NEGR1: variants seen among roughly 807,000 people sequenced by gnomAD.
The protein encoded by NEGR1 is IgLON family member 4.
A neutral mutation model predicts 40.9 loss-of-function variants in NEGR1; 10 were observed. The ratio of observed to expected loss-of-function variants is 0.24; its 90% CI spans 0.15 to 0.42. The LOEUF (loss-of-function observed/expected upper bound fraction) is 0.42, where lower values mean the gene tolerates loss of function less well. NEGR1 is among the 10% of genes least tolerant of loss of function. The pLI is 1.00. For missense variants in NEGR1, 352 were observed against 438.9 expected, an observed-to-expected ratio of 0.80 and a Z score of 1.77; for synonymous variants, 185 against 166.8, an observed-to-expected ratio of 1.11 and a Z score of -0.84.
chr1:72,138,158 T>G (rs1040650940), intron 1 of NEGR1, among the ~76,000 whole-genome samples: 5 of 152,094 alleles, frequency 3.3e-5, no homozygotes, highest in African/African-American at 1.2e-4. Flanking sequence ...ATGGAGTATA[T>G]GTAAGATTTT....
In NEGR1 at chr1:71,897,785, C is replaced by T. The variant is rs185442568; in HGVS notation, c.409+37294G>A. Among the ~76,000 whole-genome samples, 90 of 152,132 alleles carry T rather than the reference C, an allele frequency of 5.9e-4. 1 individual carries two copies. Among genetic ancestry groups the T allele is most frequent in the East Asian group, 5.8e-3 (30 of 5,186 alleles). On this transcript the variant is annotated intron_variant, in intron 2 of 6. Coordinates refer to ENST00000357731, the MANE Select transcript of NEGR1 (RefSeq NM_173808.3). The stretch of plus-strand genomic sequence containing the variant: ...GTTTTTATCCAAAGTTTGGTCAACA[C>T]TTATGGTACAAGATCTCTAAAAATT...
At chr1:71,951,542 C>T (rs1007807172) in intron 1 of NEGR1, among the ~76,000 whole-genome samples, 4 of 151,906 alleles carry the variant, frequency 2.6e-5, no homozygotes, top group South Asian at 4.1e-4. Flanking sequence ...ATTCCTCCAA[C>T]AATTTCTTTT....
intron 4 of NEGR1, among the ~76,000 whole-genome samples, chr1:71,616,241 C>T (rs1372552352): frequency 1.3e-5 from 2 of 152,154 alleles, no homozygotes; most frequent in Non-Finnish European, 2.9e-5. Context: ...GCAAATGGAG[C>T]TTCATCTGTA....
chr1:71,987,399 C>A (rs1277686374), intron 1 of NEGR1, among the ~76,000 whole-genome samples: 1 of 152,168 alleles, frequency 6.6e-6, no homozygotes, highest in Non-Finnish European at 1.5e-5. Flanking sequence ...AAATACAAAC[C>A]ACTCACGTGG....
chr1:71,943,188 ACAAAC>A (rs1277186723), intron 1 of NEGR1, among the ~76,000 whole-genome samples: 4 of 148,860 alleles, frequency 2.7e-5, no homozygotes, highest in African/African-American at 7.4e-5. Flanking sequence ...ATATTTATAA[ACAAAC>A]TATACATATA....
At chr1:72,116,531 T>C (rs185937587) in intron 1 of NEGR1, among the ~76,000 whole-genome samples, 166 of 151,794 alleles carry the variant, frequency 1.1e-3, no homozygotes, top group African/African-American at 3.7e-3. Flanking sequence ...AGATAATCAA[T>C]TAGTTGAATG....
At chr1:71,633,918 C>T (rs1314527549) in intron 4 of NEGR1, among the ~76,000 whole-genome samples, 1 of 152,020 alleles carries the variant, frequency 6.6e-6, no homozygotes, top group Non-Finnish European at 1.5e-5. Flanking sequence ...TTCACTTGTA[C>T]TGAGTATTAC....
chr1:72,240,425 G>A (rs947296221), intron 1 of NEGR1, among the ~76,000 whole-genome samples: 1 of 151,738 alleles, frequency 6.6e-6, no homozygotes, highest in East Asian at 1.9e-4. Context: ...CCATTTAATG[G>A]GTGCCAAAAC....
chr1:72,271,485 G>C (rs1294982790), intron 1 of NEGR1, among the ~76,000 whole-genome samples: 1 of 151,788 alleles, frequency 6.6e-6, no homozygotes, highest in Non-Finnish European at 1.5e-5. Context: ...AGCACTTACT[G>C]TATATATAAT....
At chr1:72,074,556 A>G (rs1647634890) in intron 1 of NEGR1, among the ~76,000 whole-genome samples, 1 of 151,976 alleles carries the variant, frequency 6.6e-6, no homozygotes, top group Non-Finnish European at 1.5e-5. Context: ...TCCTACTTCT[A>G]CGTCATTAAA....
intron 1 of NEGR1, among the ~76,000 whole-genome samples, chr1:72,166,339 T>G (rs759362862): frequency 3.3e-5 from 5 of 152,068 alleles, no homozygotes; most frequent in Non-Finnish European, 5.9e-5. Flanking sequence ...GGTAGACATG[T>G]AAATTAGCCA....
intron 2 of NEGR1, among the ~76,000 whole-genome samples, chr1:71,883,989 A>ATT (rs35994056): frequency 6.7e-6 from 1 of 150,260 alleles, no homozygotes; most frequent in Admixed American, 6.7e-5. Context: ...CCTTATTAAC[A>ATT]TTTTTTTTTT....
chr1:72,114,802 C>T (rs1204882785), intron 1 of NEGR1, among the ~76,000 whole-genome samples: 1 of 151,748 alleles, frequency 6.6e-6, no homozygotes, highest in Non-Finnish European at 1.5e-5. Context: ...CTTCCATCCT[C>T]AAGAACAAAG....
chr1:71,711,815 A>G (rs1401279289), intron 3 of NEGR1, among the ~76,000 whole-genome samples: 1 of 152,234 alleles, frequency 6.6e-6, no homozygotes, highest in African/African-American at 2.4e-5. Context: ...TTATTCATAC[A>G]TATGAAACAT....
intron 1 of NEGR1, among the ~76,000 whole-genome samples, chr1:72,177,007 A>G (rs755869407): frequency 7.2e-5 from 11 of 152,062 alleles, no homozygotes; most frequent in Non-Finnish European, 1.6e-4. Flanking sequence ...GATGAATTCA[A>G]TGAACATTTT....
chr1:71,598,841 C>T (rs934769991), intron 5 of NEGR1, among the ~76,000 whole-genome samples: 5 of 152,258 alleles, frequency 3.3e-5, no homozygotes, highest in South Asian at 2.1e-4. Flanking sequence ...ATCATCATAA[C>T]GTCAAATACT....
At chr1:71,710,039 T>C (rs1654028604) in intron 3 of NEGR1, among the ~76,000 whole-genome samples, 1 of 152,172 alleles carries the variant, frequency 6.6e-6, no homozygotes. Flanking sequence ...AACAACTATA[T>C]AGGAAAATAT....
chr1:71,985,007 G>A (rs1054090744), intron 1 of NEGR1, among the ~76,000 whole-genome samples: 1 of 151,988 alleles, frequency 6.6e-6, no homozygotes, highest in Admixed American at 6.6e-5. Context: ...TTCAGATGAG[G>A]AACTTGAGGC....
intron 2 of NEGR1, among the ~76,000 whole-genome samples, chr1:71,917,701 A>C (rs1262809101): frequency 6.7e-6 from 1 of 149,924 alleles, no homozygotes; most frequent in Non-Finnish European, 1.5e-5. Context: ...AATGGCGTGA[A>C]CCCGGGAGGC....
Sources: gnomAD v4.1 joint callset for allele counts (sites outside exome capture counted in the v4.1 genomes callset) on GRCh38, gnomAD v4.1.1 for gene constraint, MANE v1.5 for transcripts, NCBI Gene and HGNC (gene_info 2026-07-23, HGNC 2026-07-21) for gene names.